RBMS3: variants seen among roughly 807,000 people sequenced by gnomAD.
RBMS3 encodes RNA-binding motif, single-stranded-interacting protein 3.
A neutral mutation model predicts 66.8 loss-of-function variants in RBMS3; 27 were observed. That is an observed-to-expected ratio of 0.40 (90% CI 0.30 to 0.56). RBMS3 has a LOEUF of 0.56. Among genes scored for constraint, RBMS3 ranks in the 20% least tolerant of loss-of-function variants. The pLI, the probability that RBMS3 is intolerant of heterozygous loss-of-function variation, is 0.40. For synonymous variants in RBMS3, 188 were observed against 183.0 expected, an observed-to-expected ratio of 1.03 and a Z score of -0.22; for missense variants, 513 against 549.5, an observed-to-expected ratio of 0.93 and a Z score of 0.66.
intron 4 of RBMS3, among the ~76,000 whole-genome samples, chr3:29,667,970 T>C (rs1020987620): frequency 4.6e-5 from 7 of 152,318 alleles, no homozygotes; most frequent in South Asian, 2.1e-4. Context: ...GGATAGGAGA[T>C]GTTCACCAAG....
chr3:29,862,347 A>G (rs1431261604), intron 6 of RBMS3, among the ~76,000 whole-genome samples: 2 of 152,140 alleles, frequency 1.3e-5, no homozygotes, highest in Admixed American at 1.3e-4. Flanking sequence ...TGTATTATCT[A>G]TAACTAAGTG....
intron 4 of RBMS3, chr3:29,614,630 C>T (rs1576363110): frequency 6.6e-6 from 1 of 152,078 alleles, no homozygotes; most frequent in African/African-American, 2.4e-5. Flanking sequence ...AGCACGGGAA[C>T]AACTGGTTGA....
rs10571760 is a variant in RBMS3, at chr3:29,849,170, A to ATGTGTGTGTGTGTGTG, written c.638-19664_638-19649dup. On this transcript the variant is annotated intron_variant, in intron 6 of 14. Coordinates refer to ENST00000383767, the MANE Select transcript of RBMS3 (RefSeq NM_001003793.3). ...CCACTCCTCCCCCTCCACCAAAGGA[A>ATGTGTGTGTGTGTGTG]TGTGTGTGTGTGTGTGTGTGTGTGT... 7.7e-4 allele frequency among the ~76,000 whole-genome samples: 109 copies of ATGTGTGTGTGTGTGTG among 141,764 alleles called. 1 individual carries two copies. The highest frequency in any genetic ancestry group is 1.5e-3 in the Non-Finnish European group (95 of 65,500). The allele number at this position is 141,764 out of a possible 152,430, so 93.0% of individuals were successfully genotyped here.
At chr3:29,703,851 G>A (rs567916331) in intron 4 of RBMS3, among the ~76,000 whole-genome samples, 57 of 147,990 alleles carry the variant, frequency 3.9e-4, no homozygotes, top group Admixed American at 1.1e-3. Flanking sequence ...AGTGCTGGGC[G>A]AGTGAATGAA....
intron 3 of RBMS3, among the ~76,000 whole-genome samples, chr3:29,566,823 G>A (rs767462078): frequency 1.1e-4 from 16 of 151,974 alleles, no homozygotes; most frequent in Admixed American, 6.6e-5. Flanking sequence ...TATCTTGATC[G>A]TTATGGTGGT....
At chr3:29,692,402 G>A (rs1198782002) in intron 4 of RBMS3, among the ~76,000 whole-genome samples, 1 of 152,004 alleles carries the variant, frequency 6.6e-6, no homozygotes, top group Admixed American at 6.6e-5. Flanking sequence ...TCATTGTTTT[G>A]AGCCCTGTTT....
intron 1 of RBMS3, among the ~76,000 whole-genome samples, chr3:29,307,378 A>G (rs1364786772): frequency 2.0e-5 from 3 of 151,988 alleles, no homozygotes; most frequent in African/African-American, 4.8e-5. Context: ...TACAGCTGGT[A>G]CTGAGCAATG....
intron 4 of RBMS3, among the ~76,000 whole-genome samples, chr3:29,617,564 A>T (rs1256657288): frequency 6.6e-6 from 1 of 152,098 alleles, no homozygotes; most frequent in Non-Finnish European, 1.5e-5. Flanking sequence ...CCAATCTTGA[A>T]ACTGGGATGC....
chr3:29,540,695 T>C (rs540488056), intron 3 of RBMS3, among the ~76,000 whole-genome samples: 2 of 152,276 alleles, frequency 1.3e-5, no homozygotes, highest in African/African-American at 4.8e-5. Flanking sequence ...CTTAGCTTAG[T>C]AGATGTGTGA....
intron 3 of RBMS3, among the ~76,000 whole-genome samples, chr3:29,511,919 C>T (rs890168670): frequency 6.6e-6 from 1 of 151,942 alleles, no homozygotes; most frequent in Non-Finnish European, 1.5e-5. Flanking sequence ...TTTGGAATTC[C>T]CTGGAGAGAA....
chr3:29,651,700 A>G (rs1159845225), intron 4 of RBMS3, among the ~76,000 whole-genome samples: 42 of 152,240 alleles, frequency 2.8e-4, no homozygotes, highest in Non-Finnish European at 1.5e-5. Flanking sequence ...TTCATTATCC[A>G]TCAGTAGTAC....
At chr3:29,779,060 T>C (rs546823571) in intron 6 of RBMS3, among the ~76,000 whole-genome samples, 3 of 151,974 alleles carry the variant, frequency 2.0e-5, no homozygotes, top group Non-Finnish European at 4.4e-5. Flanking sequence ...GATTCCTCCT[T>C]GAGATTCAGT....
intron 2 of RBMS3, among the ~76,000 whole-genome samples, chr3:29,455,890 C>G (rs2042176163): frequency 6.6e-6 from 1 of 151,770 alleles, no homozygotes; most frequent in Non-Finnish European, 1.5e-5. Flanking sequence ...AGAGCTGAAA[C>G]AAGAAGGCAG....
chr3:29,369,077 C>T (rs1377880831), intron 1 of RBMS3, among the ~76,000 whole-genome samples: 1 of 152,004 alleles, frequency 6.6e-6, no homozygotes, highest in African/African-American at 2.4e-5. Context: ...AGCCAAATAC[C>T]ATATGTTCTC....
At chr3:29,500,151 A>G (rs1382741866) in intron 3 of RBMS3, among the ~76,000 whole-genome samples, 3 of 151,704 alleles carry the variant, frequency 2.0e-5, no homozygotes, top group Non-Finnish European at 2.9e-5. Context: ...ACACTGTGGC[A>G]TAAAATTTTC....
At chr3:29,454,268 G>A (rs191465375) in intron 2 of RBMS3, among the ~76,000 whole-genome samples, 4 of 152,282 alleles carry the variant, frequency 2.6e-5, no homozygotes, top group African/African-American at 9.6e-5. Flanking sequence ...GTTGGGCACA[G>A]CATATTTAGA....
intron 4 of RBMS3, among the ~76,000 whole-genome samples, chr3:29,724,566 G>A (rs1176642886): frequency 1.3e-5 from 2 of 152,084 alleles, no homozygotes; most frequent in African/African-American, 2.4e-5. Context: ...AAGTTTTCTG[G>A]AAGCTTAAGA....
At chr3:29,969,492 C>CACATCTG (rs1458014326) in intron 12 of RBMS3, among the ~76,000 whole-genome samples, 1 of 152,140 alleles carries the variant, frequency 6.6e-6, no homozygotes, top group Non-Finnish European at 1.5e-5. Context: ...TCCATATTCT[C>CACATCTG]ACATCTGACA....
At chr3:29,802,776 G>C (rs2057429299) in intron 6 of RBMS3, among the ~76,000 whole-genome samples, 1 of 152,174 alleles carries the variant, frequency 6.6e-6, no homozygotes, top group Admixed American at 6.5e-5. Flanking sequence ...TGGCCTAGTA[G>C]AGTTAGGGCA....
Sources: allele counts gnomAD v4.1 joint callset (sites outside exome capture counted in the v4.1 genomes callset), GRCh38; gene constraint gnomAD v4.1.1; transcripts MANE v1.5; gene names NCBI Gene and HGNC (gene_info 2026-07-23, HGNC 2026-07-21).